The following CCDC171 variants were observed in gnomAD, a reference collection of about 807,000 sequenced individuals.
The protein encoded by CCDC171 is coiled-coil domain containing 171, also known as coiled-coil domain-containing protein 171.
CCDC171 carries 177 observed loss-of-function variants against 168.2 expected under a neutral mutation model. That is an observed-to-expected ratio of 1.05 (90% CI 0.93 to 1.19). The LOEUF (loss-of-function observed/expected upper bound fraction) is 1.19, where lower values mean the gene tolerates loss of function less well. Ranked by LOEUF, CCDC171 falls within the 50% of genes most tolerant of loss-of-function variation. The pLI is 0.00. For synonymous variants in CCDC171, 687 were observed against 540.8 expected, an observed-to-expected ratio of 1.27 and a Z score of -3.75; for missense variants, 1,991 against 1,539.0, an observed-to-expected ratio of 1.29 and a Z score of -4.91.
At chr9:16,079,241 T>A in the CCDC171 span, among the ~76,000 whole-genome samples, 16 of 152,216 alleles carry the variant, frequency 1.1e-4, no homozygotes, top group East Asian at 5.8e-4. Context: ...AGATCCCCAG[T>A]GGCCTGGTGT....
intron 16 of CCDC171, among the ~76,000 whole-genome samples, chr9:15,732,368 A>T (rs1367995701): frequency 6.6e-6 from 1 of 152,020 alleles, no homozygotes; most frequent in Non-Finnish European, 1.5e-5. Context: ...TGCTGTTAGG[A>T]AGAGTTTCAT....
intron 24 of CCDC171, among the ~76,000 whole-genome samples, chr9:15,892,800 G>A (rs548033414): frequency 6.6e-6 from 1 of 152,110 alleles, no homozygotes; most frequent in South Asian, 2.1e-4. Flanking sequence ...ACAAACAAAT[G>A]GAAAAATATT....
intron 24 of CCDC171, among the ~76,000 whole-genome samples, chr9:15,919,825 C>T (rs1825065029): frequency 6.6e-6 from 1 of 151,484 alleles, no homozygotes. Flanking sequence ...ATTTTAGCTC[C>T]TTTTGTTTCA....
chr9:15,855,550 A>C (rs2061318664), intron 23 of CCDC171, among the ~76,000 whole-genome samples: 1 of 151,794 alleles, frequency 6.6e-6, no homozygotes, highest in African/African-American at 2.4e-5. Flanking sequence ...CATTTAACGT[A>C]ATTGTGATAA....
At chr9:15,673,294 C>T (rs565360028) in intron 9 of CCDC171, among the ~76,000 whole-genome samples, 1 of 152,208 alleles carries the variant, frequency 6.6e-6, no homozygotes, top group Non-Finnish European at 1.5e-5. Flanking sequence ...ATGTCATCTG[C>T]AAACAGGGAT....
chr9:15,846,290 G>A (rs9407662), intron 21 of CCDC171, among the ~76,000 whole-genome samples: 64,181 of 151,686 alleles, frequency 0.42, 13,790 homozygotes, highest in Non-Finnish European at 0.46. Context: ...TCAATCACAT[G>A]CATAGTTTGG....
intron 16 of CCDC171, among the ~76,000 whole-genome samples, chr9:15,740,167 G>T (rs1231017310): frequency 6.6e-6 from 1 of 151,750 alleles, no homozygotes; most frequent in Non-Finnish European, 1.5e-5. Flanking sequence ...TATTTCTGTG[G>T]TTTCATTTTT....
intron 1 of CCDC171, among the ~76,000 whole-genome samples, chr9:16,047,127 G>A (rs1833674523): frequency 6.6e-6 from 1 of 152,174 alleles, no homozygotes; most frequent in African/African-American, 2.4e-5. Flanking sequence ...TTTAAGAATG[G>A]CAGCTTTCAA....
intron 24 of CCDC171, among the ~76,000 whole-genome samples, chr9:15,887,526 G>T (rs1819592764): frequency 6.6e-6 from 1 of 152,092 alleles, no homozygotes; most frequent in Non-Finnish European, 1.5e-5. Flanking sequence ...GTATTTGTTT[G>T]AGTGAACAGC....
intron 3 of CCDC171, among the ~76,000 whole-genome samples, chr9:15,986,826 A>G (rs1452997899): frequency 6.6e-6 from 1 of 152,212 alleles, no homozygotes; most frequent in Non-Finnish European, 1.5e-5. Context: ...AGACTGAGAA[A>G]TGTAGTAATT....
chr9:15,718,763 G>A (rs1226727760), intron 11 of CCDC171, among the ~76,000 whole-genome samples: 1 of 152,218 alleles, frequency 6.6e-6, no homozygotes, highest in Non-Finnish European at 1.5e-5. Flanking sequence ...TACTGGGCTT[G>A]GGGTGCCCCC....
chr9:15,598,757 T>C (rs1280951276), intron 6 of CCDC171, among the ~76,000 whole-genome samples: 4 of 152,170 alleles, frequency 2.6e-5, no homozygotes, highest in Non-Finnish European at 4.4e-5. Flanking sequence ...GGTGTTAAAG[T>C]CTCCCATTAT....
At chr9:15,988,936 C>T (rs929993753) in intron 3 of CCDC171, among the ~76,000 whole-genome samples, 5 of 152,086 alleles carry the variant, frequency 3.3e-5, no homozygotes, top group Admixed American at 6.5e-5. Context: ...CCGGGAAGCT[C>T]GAACTGGGTG....
intron 24 of CCDC171, chr9:15,886,486 G>T (rs1490570965): frequency 1.3e-5 from 2 of 152,152 alleles, no homozygotes; most frequent in African/African-American, 4.8e-5. Context: ...CAAGGATGTA[G>T]AGAAAAGCGA....
chr9:15,995,436 C>T (rs1411196962), intron 3 of CCDC171, among the ~76,000 whole-genome samples: 1 of 152,214 alleles, frequency 6.6e-6, no homozygotes, highest in African/African-American at 2.4e-5. Context: ...AAATTCACTC[C>T]TTGAAAACAG....
chr9:15,820,413 G>T lies in CCDC171; in HGVS notation c.3268-26289G>T, dbSNP rs2059721651. Among the ~76,000 whole-genome samples, 2 of 114,732 alleles carry T rather than the reference G, an allele frequency of 1.7e-5. 1 individual carries two copies. The highest frequency in any genetic ancestry group is 6.7e-5 in the African/African-American group (2 of 29,808). The allele number at this position is 114,732 out of a possible 152,430, so 75.3% of individuals were successfully genotyped here. The stretch of plus-strand genomic sequence containing the variant: ...CAATGAATCCAGGAGCTGGTTTTTT[G>T]AAAAGATCAACAAAATTGATAGACC... On this transcript the variant is annotated intron_variant, in intron 21 of 25. Coordinates refer to ENST00000380701, the MANE Select transcript of CCDC171 (RefSeq NM_173550.4).
intron 3 of CCDC171, among the ~76,000 whole-genome samples, chr9:15,996,139 T>C (rs1484037809): frequency 1.3e-5 from 2 of 152,248 alleles, no homozygotes; most frequent in African/African-American, 2.4e-5. Flanking sequence ...CTTTTTCTTA[T>C]TACTTTTCTC....
chr9:16,076,714 G>A, the CCDC171 span, among the ~76,000 whole-genome samples: 1 of 152,280 alleles, frequency 6.6e-6, no homozygotes, highest in South Asian at 2.1e-4. Context: ...GCCCCAGCCA[G>A]CAGGAAAATT....
intron 16 of CCDC171, among the ~76,000 whole-genome samples, chr9:15,736,250 A>G (rs1298125882): frequency 6.6e-6 from 1 of 152,130 alleles, no homozygotes; most frequent in Non-Finnish European, 1.5e-5. Flanking sequence ...TTTGCATTAT[A>G]TTGTAATACT....
Sources: gnomAD v4.1 joint callset for allele counts (sites outside exome capture counted in the v4.1 genomes callset) on GRCh38, gnomAD v4.1.1 for gene constraint, MANE v1.5 for transcripts, NCBI Gene and HGNC (gene_info 2026-07-23, HGNC 2026-07-21) for gene names.